TUT1: variants seen among roughly 807,000 people sequenced by gnomAD.
The protein encoded by TUT1 is speckle targeted PIP5K1A-regulated poly(A) polymerase.
TUT1 carries 26 observed loss-of-function variants against 48.8 expected under a neutral mutation model. The ratio of observed to expected loss-of-function variants is 0.53; its 90% CI spans 0.39 to 0.74. The LOEUF is 0.74. TUT1 is among the 30% of genes least tolerant of loss of function. The pLI is 0.00. For missense variants in TUT1, 1,065 were observed against 1,114.8 expected, an observed-to-expected ratio of 0.96 and a Z score of 0.64; for synonymous variants, 470 against 460.8, an observed-to-expected ratio of 1.02 and a Z score of -0.26.
chr11:62,576,450 G>A, intron 8 of TUT1: 1 of 779,526 alleles, frequency 1.3e-6, no homozygotes, highest in Non-Finnish European at 2.0e-6. Context: ...CCCAGATGCT[G>A]CTGCTCCTTG....
At chr11:62,581,745 A>G (rs1845314355) in intron 2 of TUT1, 44 bp from the exon 3 acceptor site, 4 of 1,330,846 alleles carry the variant, frequency 3.0e-6, no homozygotes, top group South Asian at 4.0e-5. Flanking sequence ...GGAACCAAGA[A>G]TCTAAGCACG....
At position 62,578,782 on chromosome 11, in the gene TUT1, C is replaced by T; in HGVS notation, c.939G>A (p.Glu313=). The change falls in exon 5 of 9, where the codon GAG becomes GAA. Residue 313 remains glutamate (E), a synonymous_variant. Transcript: ENST00000476907. ...QSLPPASPLL[E]DREEGDLGKA... ...TCCCCAGGTCCCCCTCTTCCCTGTC[C>T]TCTAGCAGTGGTGAAGCTGGAGGCA... is the stretch of plus-strand genomic sequence containing the variant. 3.7e-6 allele frequency: 6 copies of T among 1,614,148 alleles called. No homozygotes were observed. The highest frequency in any genetic ancestry group is 4.2e-6 in the Non-Finnish European group (5 of 1,180,032).
At chr11:62,582,492 A>G (rs970300972) in intron 2 of TUT1, 21 of 398,228 alleles carry the variant, frequency 5.3e-5, no homozygotes, top group Non-Finnish European at 8.6e-5. Context: ...ATTACTTGGG[A>G]GGCTATGATA....
rs761059699 is a variant in TUT1 at position 62,576,246 on chromosome 11, T to TGGA, written c.1475-5_1475-3dup. On this transcript the variant is annotated splice_region_variant and splice_polypyrimidine_tract_variant and intron_variant, in intron 8 of 8. Transcript: ENST00000476907. ...AGAAGAACTGGGCTAGCAGGGAACC[T>TGGA]GGAGGAGGAGGAAGAGTGGGGAAAG... 6.4e-7 allele frequency: 1 copy of TGGA among 1,565,864 alleles called. No homozygotes were observed. The highest frequency in any genetic ancestry group is 8.6e-7 in the Non-Finnish European group (1 of 1,156,290).
intron 8 of TUT1, 161 bp downstream of exon 8, chr11:62,576,496 C>T (rs1941729967): frequency 1.2e-6 from 1 of 806,394 alleles, no homozygotes; most frequent in Non-Finnish European, 2.0e-6. Context: ...CACTTAATTG[C>T]TCCCAAACAT....
In TUT1 at chr11:62,591,480, C is replaced by G. The variant is rs1301681529; in HGVS notation, c.6G>C (p.Ala2=). Residue 2 remains alanine (A), a synonymous_variant, in exon 1 of 9, where the codon GCG becomes GCC. Transcript: ENST00000476907. The part of the protein sequence containing the change: M[A]AVDSDVESLP... ...GCGATTCGACATCCGAATCCACCGCCGCCATAGCGACTCTCCTGTACCGAC... is the reference window on the plus strand; with the variant it reads ...GCGATTCGACATCCGAATCCACCGCGGCCATAGCGACTCTCCTGTACCGAC... 6.2e-7 allele frequency: 1 copy of G among 1,611,376 alleles called. No homozygotes were observed. Among genetic ancestry groups the G allele is most frequent in the Admixed American group, 1.7e-5 (1 of 59,630 alleles).
In TUT1 at chr11:62,577,634, A is replaced by G. The variant is rs1941751633; in HGVS notation, c.1161-343T>C. ...CAGAGCCTTTACTATGCAAAGAAAC[A>G]AAGACAGGAAAAGAGAGAGGAAGGA... is the stretch of plus-strand genomic sequence containing the variant. On this transcript the variant is annotated intron_variant, in intron 5 of 8. Coordinates refer to ENST00000476907, the MANE Select transcript of TUT1 (RefSeq NM_022830.3). 3.3e-5 allele frequency among the ~76,000 whole-genome samples: 5 copies of G among 151,988 alleles called. No individual in the cohort carries two copies. In the South Asian group the frequency reaches 1.0e-3, roughly 32 times the overall value.
At chr11:62,588,914 A>G (rs1339406637) in intron 2 of TUT1, 117 bp downstream of exon 2, 12 of 953,398 alleles carry the variant, frequency 1.3e-5, no homozygotes, top group Non-Finnish European at 1.5e-5. Flanking sequence ...GGCTGGTCTC[A>G]AACTCCTAAC....
Position 62,581,099 on chromosome 11 carries a change from C to G in TUT1, c.690+7G>C, listed in dbSNP as rs760570834. On this transcript the variant is annotated splice_region_variant and intron_variant, in intron 4 of 8. Coordinates refer to ENST00000476907, the MANE Select transcript of TUT1 (RefSeq NM_022830.3). ...TTCCCAGCTGCCTCCCTGGGACACT[C>G]ACTCACCTGGGGCTCTTCCAAGTCA... is the stretch of plus-strand genomic sequence containing the variant. The G allele has an allele frequency of 1.2e-6, 2 of 1,612,150 alleles. No individual in the cohort carries two copies. The highest frequency in any genetic ancestry group is 2.2e-5 in the East Asian group (1 of 44,888).
Position 62,581,380 on chromosome 11 carries a change from A to G in TUT1, c.589+6T>C, listed in dbSNP as rs1941822174. The G allele has an allele frequency of 1.3e-6, 2 of 1,592,006 alleles. No individual in the cohort carries two copies. The highest frequency in any genetic ancestry group is 1.7e-6 in the Non-Finnish European group (2 of 1,169,598). On this transcript the variant is annotated splice_donor_region_variant and intron_variant, in intron 3 of 8. Coordinates refer to ENST00000476907, the MANE Select transcript of TUT1 (RefSeq NM_022830.3). ...GGGCTCAGACATAGTAGGGGAGGTA[A>G]CTTACCAGGGAAGAACTCTGTGAAG...
intron 3 of TUT1, 36 bp downstream of exon 3, chr11:62,581,350 A>T: frequency 6.3e-7 from 1 of 1,575,554 alleles, no homozygotes; most frequent in Non-Finnish European, 8.6e-7. Flanking sequence ...AGCAAAGGCC[A>T]GGGAGGGCTC....
intron 5 of TUT1, among the ~76,000 whole-genome samples, chr11:62,577,882 C>T (rs1053896058): frequency 5.9e-5 from 9 of 151,348 alleles, no homozygotes; most frequent in South Asian, 2.1e-4. Flanking sequence ...GGCAACACAG[C>T]GAAATCCCAT....
In TUT1 at chr11:62,575,771, C is replaced by T. The variant is rs764076554; in HGVS notation, c.1948G>A (p.Gly650Arg). The change falls in exon 9 of 9, where the codon GGG becomes AGG. Residue 650 changes from glycine to arginine, a missense_variant. Physicochemically the swap from Gly to Arg is moderately radical, Grantham distance 125. Coordinates refer to ENST00000476907, the MANE Select transcript of TUT1 (RefSeq NM_022830.3). ...KRTRSEGGGT[G>R]ESSQGGTSKR... is the part of the protein sequence containing the mutation. ...CTTGTCCCTCCCTGAGAGGACTCCCCAGTTCCACCTCCTTCTGACCGCGTT... is the reference window on the plus strand; with the variant it reads ...CTTGTCCCTCCCTGAGAGGACTCCCTAGTTCCACCTCCTTCTGACCGCGTT... The T allele has an allele frequency of 6.2e-7, 1 of 1,614,224 alleles. No individual in the cohort carries two copies. The highest frequency in any genetic ancestry group is 8.5e-7 in the Non-Finnish European group (1 of 1,180,048).
chr11:62,589,344 C>A, intron 1 of TUT1, 123 bp from the exon 2 acceptor site: 1 of 844,666 alleles, frequency 1.2e-6, no homozygotes, highest in Non-Finnish European at 1.8e-6. Context: ...TTTGAATAAA[C>A]AAAGTCCTGG....
At position 62,578,611 on chromosome 11, in the gene TUT1, C is replaced by G; in HGVS notation, c.1110G>C (p.Lys370Asn). Residue 370 changes from lysine to asparagine, a missense_variant, in exon 5 of 9, where the codon AAG becomes AAC. Physicochemically the swap from Lys to Asn is moderately conservative, Grantham distance 94 (BLOSUM62 0). Transcript: ENST00000476907. ...TVPSARRPVVKFCHRPSGLHG... is the reference protein window; with the variant it reads ...TVPSARRPVVNFCHRPSGLHG... ...GGAGACCTGAAGGCCGATGACAGAA[C>G]TTGACCACAGGGCGCCGGGCAGAGG... is the stretch of plus-strand genomic sequence containing the variant. 6.2e-7 allele frequency: 1 copy of G among 1,613,694 alleles called. No homozygotes were observed. Among genetic ancestry groups the G allele is most frequent in the Middle Eastern group, 1.7e-4 (1 of 6,060 alleles).
chr11:62,578,063 C>CAA lies in TUT1; in HGVS notation c.1160+496_1160+497dup, dbSNP rs200086998. Among the ~76,000 whole-genome samples, 643 of 105,304 alleles carry CAA rather than the reference C, an allele frequency of 6.1e-3. 3 individuals carry two copies. The highest frequency in any genetic ancestry group is 0.01 in the African/African-American group (281 of 26,872). The allele number at this position is 105,304 out of a possible 152,430, so 69.1% of individuals were successfully genotyped here. A position where few individuals can be genotyped will look rare whatever the true frequency, so the allele number is the denominator to read the frequency against. ...GCAACAAGAGTAAATCTCCGTCTCA[C>CAA]AAAAAAAAAAAAAAAAAAAAAAAAG... On this transcript the variant is annotated intron_variant, in intron 5 of 8. Coordinates refer to ENST00000476907, the MANE Select transcript of TUT1 (RefSeq NM_022830.3).
intron 2 of TUT1, among the ~76,000 whole-genome samples, chr11:62,584,440 C>CTT (rs35237248): frequency 1.1e-4 from 14 of 130,074 alleles, no homozygotes; most frequent in South Asian, 2.5e-4. Flanking sequence ...AAATTGTATA[C>CTT]TTTTTTTTTT....
In TUT1 at chr11:62,576,914, CT is replaced by C; in HGVS notation, c.1373del (p.Gln458ArgfsTer29). 6.2e-7 allele frequency: 1 copy of C among 1,614,074 alleles called. No homozygotes were observed. The highest frequency in any genetic ancestry group is 8.5e-7 in the Non-Finnish European group (1 of 1,179,972). On this transcript the variant is annotated frameshift_variant, in exon 7 of 9. Coordinates refer to ENST00000476907, the MANE Select transcript of TUT1 (RefSeq NM_022830.3). LOFTEE classifies it high-confidence loss of function. ...PVLPTVSQLT[Q>X]KAGEGEQVEV... Reference sequence around the variant, plus strand: ...GGAGGCTAGGCCGAGTACCTGCTTTCTGGGTGAGCTGGGACACAGTGGGCAA... The same window carrying C: ...GGAGGCTAGGCCGAGTACCTGCTTTCGGGTGAGCTGGGACACAGTGGGCAA...
Position 62,576,196 on chromosome 11 carries a change from C to G in TUT1, c.1523G>C (p.Arg508Pro), listed in dbSNP as rs746982575. ...FFSCVSCWDL[R>P]GSLLSLREGQ... ...CTCCCGCAGGGACAGCAGGGAGCCA[C>G]GAAGATCCCAACAAGATACACAGGA... Residue 508 changes from arginine to proline, a missense_variant, in exon 9 of 9, where the codon CGT (arginine) becomes CCT (proline). Transcript: ENST00000476907. The G allele has an allele frequency of 6.2e-7, 1 of 1,607,906 alleles. No individual in the cohort carries two copies. The highest frequency in any genetic ancestry group is 8.5e-7 in the Non-Finnish European group (1 of 1,177,252).
Sources: gnomAD v4.1 joint callset for allele counts (sites outside exome capture counted in the v4.1 genomes callset) on GRCh38, gnomAD v4.1.1 for gene constraint, MANE v1.5 for transcripts, NCBI Gene and HGNC (gene_info 2026-07-23, HGNC 2026-07-21) for gene names.